The following KYAT3 variants were observed in gnomAD, a reference collection of about 807,000 sequenced individuals.
The protein encoded by KYAT3 is kynurenine--oxoglutarate transaminase 3.
A neutral mutation model predicts 59.0 loss-of-function variants in KYAT3; 50 were observed. The ratio of observed to expected loss-of-function variants is 0.85; its 90% CI spans 0.68 to 1.07. The LOEUF (loss-of-function observed/expected upper bound fraction) is 1.07, where lower values mean the gene tolerates loss of function less well. Among genes scored for constraint, KYAT3 ranks in the 50% least tolerant of loss-of-function variants. The pLI is 0.00. For missense variants in KYAT3, 497 were observed against 533.3 expected (o/e 0.93, Z 0.67); for synonymous variants, 148 against 177.0 (o/e 0.84, Z 1.30).
At chr1:88,927,734 A>C in the KYAT3 span, among the ~76,000 whole-genome samples, 2 of 152,210 alleles carry the variant, frequency 1.3e-5, no homozygotes, top group Admixed American at 1.3e-4. Context: ...CTCAGACTTA[A>C]AGCAAATTAA....
intron 4 of KYAT3, among the ~76,000 whole-genome samples, chr1:88,967,184 C>T (rs1028388451): frequency 5.3e-5 from 8 of 151,920 alleles, no homozygotes; most frequent in African/African-American, 1.7e-4. Context: ...ATTTCTTTCG[C>T]TGGCATTTTT....
downstream of KYAT3, among the ~76,000 whole-genome samples, chr1:88,932,555 G>A (rs1674930613): frequency 6.6e-6 from 1 of 152,068 alleles, no homozygotes; most frequent in African/African-American, 2.4e-5. Context: ...GTGCAGTGGT[G>A]TGATCACAGC....
At chr1:88,971,194 T>C (rs1168705358) in intron 2 of KYAT3, among the ~76,000 whole-genome samples, 1 of 152,172 alleles carries the variant, frequency 6.6e-6, no homozygotes, top group African/African-American at 2.4e-5. Context: ...AAAAAGTGAG[T>C]TTGATGTGCT....
chr1:88,974,122 G>T (rs1404736991), intron 2 of KYAT3, among the ~76,000 whole-genome samples: 1 of 152,170 alleles, frequency 6.6e-6, no homozygotes, highest in African/African-American at 2.4e-5. Flanking sequence ...AACCAGGCTT[G>T]GGAAACAGAT....
chr1:88,971,809 C>T lies in KYAT3; in HGVS notation c.100-2342G>A, dbSNP rs74717245. On this transcript the variant is annotated intron_variant, in intron 2 of 13. Transcript: ENST00000260508. ...CTCCCAAAAGCCTTCTTTGGTTCTA[C>T]GAGTCAGGGTCAGGTGCTTCTCCTA... Among the ~76,000 whole-genome samples, 1,257 of 152,258 alleles carry T rather than the reference C, an allele frequency of 8.3e-3. 10 individuals carry two copies. The highest frequency in any genetic ancestry group is 0.011 in the South Asian group (55 of 4,828).
chr1:88,954,617 A>C (rs1280076521), intron 9 of KYAT3, among the ~76,000 whole-genome samples: 1 of 152,208 alleles, frequency 6.6e-6, no homozygotes. Context: ...AGGGAAAATG[A>C]CCTAATTTTT....
intron 2 of KYAT3, chr1:88,983,449 T>C: frequency 1.9e-6 from 3 of 1,614,204 alleles, no homozygotes; most frequent in Non-Finnish European, 2.5e-6. Flanking sequence ...CCATGTGTCC[T>C]CCTCGTGAAG....
intron 9 of KYAT3, among the ~76,000 whole-genome samples, chr1:88,954,458 T>C (rs1305485513): frequency 9.9e-5 from 15 of 152,152 alleles, no homozygotes; most frequent in Admixed American, 9.8e-4. Flanking sequence ...ATGAAAGAAA[T>C]TAGTATATGT....
At chr1:88,930,536 C>G in the KYAT3 span, among the ~76,000 whole-genome samples, 1 of 151,678 alleles carries the variant, frequency 6.6e-6, no homozygotes. Context: ...AGAAAAAGGA[C>G]TTCGAAAAGC....
chr1:88,963,247 A>G (rs1429160893), intron 5 of KYAT3, among the ~76,000 whole-genome samples: 1 of 152,190 alleles, frequency 6.6e-6, no homozygotes, highest in Non-Finnish European at 1.5e-5. Context: ...AGAGGAAAGA[A>G]AGCTAAGGGC....
At chr1:88,943,234 A>G in intron 12 of KYAT3, 116 bp downstream of exon 12, 1 of 986,340 alleles carries the variant, frequency 1.0e-6, no homozygotes, top group Non-Finnish European at 1.6e-6. Flanking sequence ...AAAAGCCACA[A>G]GTGGAGTATC....
At chr1:88,968,049 A>G (rs1260711299) in intron 4 of KYAT3, among the ~76,000 whole-genome samples, 1 of 152,294 alleles carries the variant, frequency 6.6e-6, no homozygotes, top group Non-Finnish European at 1.5e-5. Context: ...TGCTATTCCC[A>G]AAGCAAAACC....
the KYAT3 span, among the ~76,000 whole-genome samples, chr1:88,924,457 C>T: frequency 6.6e-6 from 1 of 151,038 alleles, no homozygotes; most frequent in East Asian, 1.9e-4. Flanking sequence ...CCTCTTATAT[C>T]TGAAAAAAAA....
intron 11 of KYAT3, among the ~76,000 whole-genome samples, chr1:88,948,454 C>T (rs1487415779): frequency 6.6e-6 from 1 of 152,148 alleles, no homozygotes; most frequent in East Asian, 1.9e-4. Flanking sequence ...GTCAGAATTA[C>T]ATATAACAGC....
chr1:88,986,354 G>A (rs915875473), intron 2 of KYAT3, among the ~76,000 whole-genome samples: 8 of 149,672 alleles, frequency 5.3e-5, no homozygotes, highest in Non-Finnish European at 1.2e-4. Context: ...GGCCAGGCGC[G>A]GTGGCTCACG....
At chr1:88,984,947 C>G (rs1244705238) in intron 2 of KYAT3, among the ~76,000 whole-genome samples, 1 of 152,176 alleles carries the variant, frequency 6.6e-6, no homozygotes, top group Admixed American at 6.5e-5. Flanking sequence ...TGTCTGGTTA[C>G]TTCATATCAC....
At chr1:88,986,504 C>A (rs1677466560) in intron 2 of KYAT3, among the ~76,000 whole-genome samples, 1 of 150,570 alleles carries the variant, frequency 6.6e-6, no homozygotes, top group African/African-American at 2.4e-5. Context: ...GTTGCCCAGG[C>A]TGGTCTTGAA....
intron 1 of KYAT3, 57 bp downstream of exon 1, chr1:88,992,528 G>C (rs1677874180): frequency 6.6e-6 from 1 of 152,304 alleles, no homozygotes; most frequent in African/African-American, 2.4e-5. Flanking sequence ...ACGCCGGGAC[G>C]GCCCTAGTCA....
chr1:88,952,606 C>A (rs1675724987), intron 10 of KYAT3, among the ~76,000 whole-genome samples: 2 of 152,162 alleles, frequency 1.3e-5, no homozygotes, highest in Admixed American at 1.3e-4. Flanking sequence ...TAAGGCCTCT[C>A]CAGAAGCAGA....
Sources: gnomAD v4.1 joint callset for allele counts (sites outside exome capture counted in the v4.1 genomes callset) on GRCh38, gnomAD v4.1.1 for gene constraint, MANE v1.5 for transcripts, NCBI Gene and HGNC (gene_info 2026-07-23, HGNC 2026-07-21) for gene names.